The following KIAA1217 variants were observed in gnomAD, a reference collection of about 807,000 sequenced individuals.
The protein encoded by KIAA1217 is sickle tail protein homolog.
A neutral mutation model predicts 163.9 loss-of-function variants in KIAA1217; 88 were observed. The observed-to-expected ratio is 0.54, with a 90% CI of 0.45 to 0.64. The LOEUF (loss-of-function observed/expected upper bound fraction) is 0.64, where lower values mean the gene tolerates loss of function less well. Ranked by LOEUF, KIAA1217 falls within the 30% of genes least tolerant of loss-of-function variation. The probability of loss-of-function intolerance (pLI) is 0.00; values close to 1 mark genes in which losing one functional copy is unlikely to be tolerated. For missense variants in KIAA1217, 2,372 were observed against 2,475.0 expected (o/e 0.96, Z 0.88); for synonymous variants, 903 against 923.1 (o/e 0.98, Z 0.39).
chr10:23,782,996 T>C (rs531069001), intron 1 of KIAA1217, among the ~76,000 whole-genome samples: 6 of 152,196 alleles, frequency 3.9e-5, no homozygotes, highest in Non-Finnish European at 8.8e-5. Flanking sequence ...CTTTGTTATG[T>C]TGAAGTTCTT....
At chr10:23,925,368 C>A (rs774246743) in intron 1 of KIAA1217, among the ~76,000 whole-genome samples, 1 of 152,062 alleles carries the variant, frequency 6.6e-6, no homozygotes, top group Non-Finnish European at 1.5e-5. Context: ...ATAAAACTCC[C>A]GGAGCTTCAT....
chr10:24,043,126 G>A (rs752870344), intron 2 of KIAA1217, among the ~76,000 whole-genome samples: 24 of 152,080 alleles, frequency 1.6e-4, no homozygotes, highest in Middle Eastern at 3.2e-3. Context: ...TTATTTTAGC[G>A]TATGTAATCA....
At chr10:23,873,616 C>T (rs775401888) in intron 1 of KIAA1217, among the ~76,000 whole-genome samples, 8 of 151,950 alleles carry the variant, frequency 5.3e-5, no homozygotes, top group African/African-American at 7.2e-5. Context: ...TTTCATCCTC[C>T]GCAATTTTGG....
chr10:24,030,554 C>A (rs1848149787), intron 2 of KIAA1217, among the ~76,000 whole-genome samples: 1 of 152,136 alleles, frequency 6.6e-6, no homozygotes, highest in South Asian at 2.1e-4. Flanking sequence ...TTGGGCAGTT[C>A]TTTGTAGCGG....
At position 24,547,056 on chromosome 10, in the gene KIAA1217, CTT is replaced by C. The variant is rs11411265; in HGVS notation, c.*747_*748del. 621 of 127,936 alleles carry C rather than the reference CTT, an allele frequency of 4.9e-3. 3 individuals are homozygous for C. Among genetic ancestry groups the C allele is most frequent in the African/African-American group, 0.016 (549 of 33,688 alleles). 7.9% of individuals were successfully genotyped at this position (127,936 alleles called of 1,614,324 possible). On this transcript the variant is annotated 3_prime_UTR_variant, in exon 21 of 21. Coordinates refer to ENST00000376454, the MANE Select transcript of KIAA1217 (RefSeq NM_019590.5). Reference sequence around the variant, plus strand: ...GCTTCTTTTCTTTCTTTTTTCCTTCCTTTTTTTTTTTTTTTTCTTTTTTAACA... The same window carrying C: ...GCTTCTTTTCTTTCTTTTTTCCTTCCTTTTTTTTTTTTTTCTTTTTTAACA...
intron 1 of KIAA1217, among the ~76,000 whole-genome samples, chr10:23,941,384 T>C (rs1176310225): frequency 6.6e-6 from 1 of 152,134 alleles, no homozygotes. Context: ...CAACAATTAT[T>C]CAAAGTTACT....
intron 2 of KIAA1217, among the ~76,000 whole-genome samples, chr10:24,022,957 T>A: frequency 6.6e-6 from 1 of 151,222 alleles, no homozygotes. Context: ...ATAAAAAACC[T>A]ACAGCAAATA....
chr10:24,237,664 T>C (rs4748932), intron 2 of KIAA1217, among the ~76,000 whole-genome samples: 152,296 of 152,298 alleles, frequency 1, 76,147 homozygotes, highest in Middle Eastern at 1. Context: ...CAGATTTGAC[T>C]GAATCAAGCC....
chr10:23,855,993 A>G (rs1417930956), intron 1 of KIAA1217, among the ~76,000 whole-genome samples: 1 of 152,178 alleles, frequency 6.6e-6, no homozygotes, highest in African/African-American at 2.4e-5. Context: ...GATCGTCTGA[A>G]GCATTCTTCT....
At chr10:23,925,611 G>T (rs1400790505) in intron 1 of KIAA1217, among the ~76,000 whole-genome samples, 1 of 152,158 alleles carries the variant, frequency 6.6e-6, no homozygotes, top group Non-Finnish European at 1.5e-5. Flanking sequence ...TGTTTCGAAG[G>T]CAGAGGCATC....
chr10:24,189,119 AG>A (rs199806780), intron 2 of KIAA1217, among the ~76,000 whole-genome samples: 25,247 of 139,994 alleles, frequency 0.18, 3,029 homozygotes, highest in Non-Finnish European at 0.26. Flanking sequence ...AAAAAAAAAA[AG>A]AAAAGAAAAA....
intron 2 of KIAA1217, among the ~76,000 whole-genome samples, chr10:24,248,094 A>G (rs1389004239): frequency 6.6e-6 from 1 of 152,150 alleles, no homozygotes; most frequent in Non-Finnish European, 1.5e-5. Context: ...TGTCCCTTGA[A>G]GAAGGAAGCA....
intron 17 of KIAA1217, among the ~76,000 whole-genome samples, chr10:24,540,873 A>C (rs1392312698): frequency 6.6e-6 from 1 of 151,978 alleles, no homozygotes; most frequent in Non-Finnish European, 1.5e-5. Context: ...GGTTCAAGCG[A>C]TTCTCCTGCC....
intron 1 of KIAA1217, among the ~76,000 whole-genome samples, chr10:23,871,321 A>G (rs546003262): frequency 6.6e-6 from 1 of 152,036 alleles, no homozygotes; most frequent in East Asian, 1.9e-4. Flanking sequence ...AGTTTCCTCT[A>G]CCCTATTTTT....
chr10:24,525,041 A>G (rs1334029113), intron 13 of KIAA1217, among the ~76,000 whole-genome samples: 6 of 115,218 alleles, frequency 5.2e-5, no homozygotes, highest in African/African-American at 1.2e-4. Flanking sequence ...GTGCTGGTAA[A>G]TGTTTAACAA....
At chr10:23,713,520 T>C (rs1837390609) in intron 1 of KIAA1217, among the ~76,000 whole-genome samples, 1 of 152,134 alleles carries the variant, frequency 6.6e-6, no homozygotes, top group African/African-American at 2.4e-5. Context: ...GGAATAATAA[T>C]TTAAATTGTG....
chr10:24,133,211 C>T (rs1414001471), intron 2 of KIAA1217, among the ~76,000 whole-genome samples: 1 of 151,984 alleles, frequency 6.6e-6, no homozygotes, highest in Non-Finnish European at 1.5e-5. Flanking sequence ...CTGAGGAACC[C>T]GCACAAAGTA....
intron 2 of KIAA1217, among the ~76,000 whole-genome samples, chr10:24,252,730 C>T (rs1294640346): frequency 1.3e-5 from 2 of 152,092 alleles, no homozygotes; most frequent in Non-Finnish European, 2.9e-5. Flanking sequence ...TCTGGGATGA[C>T]AGCGAGAGGC....
chr10:23,886,069 T>A (rs1264610767), intron 1 of KIAA1217, among the ~76,000 whole-genome samples: 1 of 151,344 alleles, frequency 6.6e-6, no homozygotes, highest in Non-Finnish European at 1.5e-5. Flanking sequence ...TGGGTGTGAT[T>A]GTGTGGGTGA....
Sources: gnomAD v4.1 joint callset for allele counts (sites outside exome capture counted in the v4.1 genomes callset) on GRCh38, gnomAD v4.1.1 for gene constraint, MANE v1.5 for transcripts, NCBI Gene and HGNC (gene_info 2026-07-23, HGNC 2026-07-21) for gene names.